Variants in ARFGEF1 observed in about 807,000 individuals in gnomAD.
ARFGEF1 encodes ARF guanine nucleotide exchange factor 1.
Under a neutral mutation model 231.0 loss-of-function variants are expected in ARFGEF1, and 42 were observed. The ratio of observed to expected loss-of-function variants is 0.18; its 90% CI spans 0.14 to 0.24. ARFGEF1 has a LOEUF of 0.24. Among genes scored for constraint, ARFGEF1 ranks in the 10% least tolerant of loss-of-function variants. The pLI is 1.00. For missense variants in ARFGEF1, 1,345 were observed against 2,192.0 expected, an observed-to-expected ratio of 0.61 and a Z score of 7.72; for synonymous variants, 710 against 732.3, an observed-to-expected ratio of 0.97 and a Z score of 0.49.
intron 34 of ARFGEF1, among the ~76,000 whole-genome samples, chr8:67,207,716 G>A (rs2129577603): frequency 6.6e-6 from 1 of 152,322 alleles, no homozygotes; most frequent in South Asian, 2.1e-4. Context: ...TGGAGAGTCA[G>A]ATGCAGCGGC....
chr8:67,266,765 A>G (rs1169265261), intron 13 of ARFGEF1, 111 bp downstream of exon 13: 1 of 692,928 alleles, frequency 1.4e-6, no homozygotes, highest in Non-Finnish European at 2.3e-6. Context: ...TTTCCTCATC[A>G]GTTAAATGAA....
intron 22 of ARFGEF1, among the ~76,000 whole-genome samples, chr8:67,237,197 T>C (rs1839797322): frequency 6.6e-6 from 1 of 152,212 alleles, no homozygotes; most frequent in Non-Finnish European, 1.5e-5. Flanking sequence ...AGTTCTAATG[T>C]ATAAAGTTGG....
At chr8:67,244,266 A>AAAAAAAAAAAACAAAAC (rs1563860748) in intron 19 of ARFGEF1, among the ~76,000 whole-genome samples, 1 of 17,212 alleles carries the variant, frequency 5.8e-5, no homozygotes, top group African/African-American at 2.9e-4. Context: ...AAAAAAAAAA[A>AAAAAAAAAAAACAAAAC]AACATTCGAC....
In ARFGEF1 at chr8:67,249,649, G is replaced by A. The variant is rs988562683; in HGVS notation, c.2850+1650C>T. Among the ~76,000 whole-genome samples, 4 of 140,686 alleles carry A rather than the reference G, an allele frequency of 2.8e-5. 1 individual carries two copies. Among genetic ancestry groups the A allele is most frequent in the African/African-American group, 1.1e-4 (4 of 35,274 alleles). 92.3% of individuals were successfully genotyped at this position (140,686 alleles called of 152,430 possible). A position where few individuals can be genotyped will look rare whatever the true frequency, so the allele number is the denominator to read the frequency against. ...TTTTTATTTTTATTTTTCAGACAGAGTCTCACTCTGTCGCCCAGGCTAGAG... is the reference window on the plus strand; with the variant it reads ...TTTTTATTTTTATTTTTCAGACAGAATCTCACTCTGTCGCCCAGGCTAGAG... On this transcript the variant is annotated intron_variant, in intron 19 of 38. Coordinates refer to ENST00000262215, the MANE Select transcript of ARFGEF1 (RefSeq NM_006421.5).
rs981272468 is a variant in ARFGEF1 at position 67,218,204 on chromosome 8, AAAAATATATATAT to A, written c.4339-79_4339-67del. The A allele has an allele frequency of 1.8e-4, 35 of 192,268 alleles. 1 individual carries two copies. The highest frequency in any genetic ancestry group is 9.1e-4 in the African/African-American group (22 of 24,130). 11.9% of individuals were successfully genotyped at this position (192,268 alleles called of 1,614,324 possible). A position where few individuals can be genotyped will look rare whatever the true frequency, so the allele number is the denominator to read the frequency against. On this transcript the variant is annotated intron_variant, in intron 30 of 38. Coordinates refer to ENST00000262215, the MANE Select transcript of ARFGEF1 (RefSeq NM_006421.5). The stretch of plus-strand genomic sequence containing the variant: ...AACTACTATGATTAAAAAAAAAAAA[AAAAATATATATAT>A]ATATATATATATATATAAATGTTTT...
Position 67,258,144 on chromosome 8 carries a change from A to G in ARFGEF1, c.2382T>C (p.Ala794=), listed in dbSNP as rs772060783. 3.7e-5 allele frequency: 59 copies of G among 1,613,816 alleles called. No individual in the cohort carries two copies. Among genetic ancestry groups the G allele is most frequent in the African/African-American group, 9.3e-5 (7 of 74,870 alleles). The stretch of plus-strand genomic sequence containing the variant: ...TTTCCATTAATCGATCGATTTTCTG[A>G]GCTTCCCCTGGAAGACGAAATCCTT... The part of the protein sequence containing the change: ...FLEGFRLPGE[A]QKIDRLMEKF... Residue 794 remains alanine, a synonymous_variant, in exon 16 of 39, where the codon GCT becomes GCC. Transcript: ENST00000262215.
intron 1 of ARFGEF1, among the ~76,000 whole-genome samples, chr8:67,335,279 G>C (rs1372567991): frequency 6.6e-6 from 1 of 151,722 alleles, no homozygotes; most frequent in Non-Finnish European, 1.5e-5. Context: ...CTAATTTTTT[G>C]TATTTTTAGT....
rs1805722540 is a variant in ARFGEF1 at position 67,285,560 on chromosome 8, T to A, written c.1027+2395A>T. Among the ~76,000 whole-genome samples, 3 of 151,980 alleles carry A rather than the reference T, an allele frequency of 2.0e-5. No homozygotes were observed. In the South Asian group the frequency reaches 6.2e-4, roughly 32 times the overall value. On this transcript the variant is annotated intron_variant, in intron 7 of 38. Coordinates refer to ENST00000262215, the MANE Select transcript of ARFGEF1 (RefSeq NM_006421.5). ...AACACTGGGTGAATAAATTTTCATA[T>A]CATCTCCAAGTATCAAAGTATCACC...
intron 36 of ARFGEF1, among the ~76,000 whole-genome samples, chr8:67,202,282 T>G (rs1554633442): frequency 6.6e-6 from 1 of 152,122 alleles, no homozygotes; most frequent in Non-Finnish European, 1.5e-5. Context: ...TTTTAAGAGA[T>G]GGGGTCTCAC....
chr8:67,201,901 G>A, intron 36 of ARFGEF1: 1 of 336,042 alleles, frequency 3.0e-6, no homozygotes, highest in South Asian at 2.8e-5. Flanking sequence ...CCTGCGCCAG[G>A]GGCCTCAGAT....
downstream of ARFGEF1, chr8:67,195,538 T>G: frequency 6.2e-7 from 1 of 1,614,186 alleles, no homozygotes; most frequent in African/African-American, 1.3e-5. Flanking sequence ...CAGCAGCAGA[T>G]TCCTGGAAAA....
intron 17 of ARFGEF1, among the ~76,000 whole-genome samples, chr8:67,254,918 GA>G (rs796752229): frequency 2.1e-4 from 31 of 149,718 alleles, no homozygotes; most frequent in African/African-American, 7.4e-4. Flanking sequence ...AAAAATGAAA[GA>G]AAGAAGCTTT....
Position 67,257,759 on chromosome 8 carries a change from CATG to C in ARFGEF1, c.2496_2498del (p.Ile832del). The C allele has an allele frequency of 1.2e-6, 2 of 1,609,698 alleles. No individual in the cohort carries two copies. The highest frequency in any genetic ancestry group is 1.7e-6 in the Non-Finnish European group (2 of 1,178,688). The stretch of plus-strand genomic sequence containing the variant: ...GTGGACTGTGAAGGTCTGTGGTCAA[CATG>C]ATAATTGAATAAGCCAAAACATAAG... On this transcript the variant is annotated inframe_deletion, in exon 17 of 39. Coordinates refer to ENST00000262215, the MANE Select transcript of ARFGEF1 (RefSeq NM_006421.5).
rs1439373208 is a variant in ARFGEF1, at chr8:67,175,488, T to C, written c.*67A>G. 4 of 1,600,962 alleles carry C rather than the reference T, an allele frequency of 2.5e-6. No individual in the cohort carries two copies. In the Admixed American group the frequency reaches 6.7e-5, roughly 27 times the overall value. On this transcript the variant is annotated 3_prime_UTR_variant, in exon 6 of 6. Transcript: ENST00000518789. ...ATAGTATCAGCACGCTGTTTTTCCG[T>C]AGGCTTTCTGCATCTCTTCTATTGA...
At chr8:67,312,429 G>A (rs111653803) in intron 1 of ARFGEF1, among the ~76,000 whole-genome samples, 3,488 of 152,012 alleles carry the variant, frequency 0.023, 83 homozygotes, top group South Asian at 0.047. Flanking sequence ...TTTCCAAGAG[G>A]TGAAAGAAAA....
intron 1 of ARFGEF1, among the ~76,000 whole-genome samples, chr8:67,311,458 G>A (rs1451749387): frequency 1.4e-5 from 2 of 143,422 alleles, no homozygotes; most frequent in African/African-American, 5.2e-5. Flanking sequence ...CATCAGGGAG[G>A]GAGGTGGGGG....
At chr8:67,189,083 C>T (rs924967790) in intron 5 of ARFGEF1, among the ~76,000 whole-genome samples, 1 of 152,150 alleles carries the variant, frequency 6.6e-6, no homozygotes, top group Non-Finnish European at 1.5e-5. Flanking sequence ...CACCACATAC[C>T]TGCTAGAATG....
At chr8:67,289,015 C>T (rs1805883719) in intron 6 of ARFGEF1, among the ~76,000 whole-genome samples, 1 of 151,742 alleles carries the variant, frequency 6.6e-6, no homozygotes, top group Non-Finnish European at 1.5e-5. Context: ...TTCTGAATAG[C>T]CTAAGAGAAA....
At chr8:67,185,693 A>G (rs1834373248) in intron 5 of ARFGEF1, among the ~76,000 whole-genome samples, 1 of 152,226 alleles carries the variant, frequency 6.6e-6, no homozygotes, top group Admixed American at 6.5e-5. Flanking sequence ...AGGTGGTAGC[A>G]AGGTTCCAAA....
Sources: gnomAD v4.1 joint callset for allele counts (sites outside exome capture counted in the v4.1 genomes callset) on GRCh38, gnomAD v4.1.1 for gene constraint, MANE v1.5 for transcripts, NCBI Gene and HGNC (gene_info 2026-07-23, HGNC 2026-07-21) for gene names.